Variants in CAMKK2 observed in about 807,000 individuals in gnomAD.
CAMKK2 encodes the protein calcium/calmodulin-dependent protein kinase kinase 2.
A neutral mutation model predicts 67.2 loss-of-function variants in CAMKK2; 30 were observed. That is an observed-to-expected ratio of 0.45 (90% CI 0.33 to 0.61). CAMKK2 has a LOEUF of 0.61. CAMKK2 is among the 20% of genes least tolerant of loss of function. The pLI, the probability that CAMKK2 is intolerant of heterozygous loss-of-function variation, is 0.02. For synonymous variants in CAMKK2, 322 were observed against 326.2 expected, an observed-to-expected ratio of 0.99 and a Z score of 0.14; for missense variants, 643 against 802.0, an observed-to-expected ratio of 0.80 and a Z score of 2.39.
At chr12:121,244,522 C>T (rs1487796265) in intron 16 of CAMKK2, 51 bp downstream of exon 16, 37 of 1,530,330 alleles carry the variant, frequency 2.4e-5, no homozygotes, top group Non-Finnish European at 3.2e-5. Context: ...GCTGCCCACC[C>T]GCCCCCCTCA....
intron 14 of CAMKK2, among the ~76,000 whole-genome samples, chr12:121,247,492 C>T (rs1214855031): frequency 6.6e-6 from 1 of 152,226 alleles, no homozygotes; most frequent in East Asian, 1.9e-4. Context: ...GACTGAGAAC[C>T]TCCTGAGCCT....
chr12:121,294,962 G>A (rs1296291296), intron 1 of CAMKK2, among the ~76,000 whole-genome samples: 1 of 152,164 alleles, frequency 6.6e-6, no homozygotes, highest in Non-Finnish European at 1.5e-5. Flanking sequence ...TTGAGGTAAG[G>A]AGTTCAAGAC....
chr12:121,289,710 T>C (rs936457663), intron 1 of CAMKK2, among the ~76,000 whole-genome samples: 5 of 151,956 alleles, frequency 3.3e-5, no homozygotes, highest in Non-Finnish European at 5.9e-5. Context: ...CTGGCCTACA[T>C]GGTGAAACCT....
rs141069151 is a variant in CAMKK2 at position 121,254,578 on chromosome 12, T to C, written c.907+972A>G. On this transcript the variant is annotated intron_variant, in intron 9 of 16. Coordinates refer to ENST00000404169, the MANE Select transcript of CAMKK2 (RefSeq NM_001270485.2). ...AGATATGTTATCCCCATTTTACAGA[T>C]GAGGAAGCTAAGGTTCCAGGAGGTG... 6.5e-3 allele frequency among the ~76,000 whole-genome samples: 986 copies of C among 152,106 alleles called. 9 individuals carry two copies. The highest frequency in any genetic ancestry group is 0.023 in the African/African-American group (934 of 41,474).
At chr12:121,252,976 C>T (rs1207886993) in intron 10 of CAMKK2, among the ~76,000 whole-genome samples, 1 of 152,186 alleles carries the variant, frequency 6.6e-6, no homozygotes, top group Non-Finnish European at 1.5e-5. Context: ...TTTTCACAGG[C>T]ACTATTCAGA....
chr12:121,277,535 A>G (rs373434864), intron 1 of CAMKK2, among the ~76,000 whole-genome samples: 2 of 152,316 alleles, frequency 1.3e-5, no homozygotes. Context: ...ACAACAGAAT[A>G]CTATACAGCC....
Position 121,272,871 on chromosome 12 carries a change from T to TCAA in CAMKK2, c.471+1182_471+1184dup, listed in dbSNP as rs762949319. On this transcript the variant is annotated intron_variant, in intron 2 of 16. Transcript: ENST00000404169. ...CTGGGCAACACAGCAACCCTCTGTC[T>TCAA]CAACAACAACAACAAAAAAAAGCCC... is the stretch of plus-strand genomic sequence containing the variant. Among the ~76,000 whole-genome samples, 6 of 152,108 alleles carry TCAA rather than the reference T, an allele frequency of 3.9e-5. No homozygotes were observed. The South Asian group carries it at 6.2e-4, about 16-fold the overall frequency.
rs1891245824 is a variant in CAMKK2 at position 121,253,590 on chromosome 12, C to T, written c.908-118G>A. 3.6e-6 allele frequency: 3 copies of T among 839,430 alleles called. No individual in the cohort carries two copies. Among genetic ancestry groups the T allele is most frequent in the Non-Finnish European group, 5.9e-6 (3 of 505,948 alleles). The allele number at this position is 839,430 out of a possible 1,614,324, so 52.0% of individuals were successfully genotyped here. On this transcript the variant is annotated intron_variant, in intron 9 of 16. Coordinates refer to ENST00000404169, the MANE Select transcript of CAMKK2 (RefSeq NM_001270485.2). The surrounding 1 kb of genome is among the most constrained non-coding windows in gnomAD (Gnocchi z 5.0). ...CACCCCTCTGATGCCTTGTCTCCCA[C>T]AGCCCCAGGCCTTTTCCAACCTTCC...
At chr12:121,254,076 T>C (rs746567166) in intron 9 of CAMKK2, among the ~76,000 whole-genome samples, 7 of 152,134 alleles carry the variant, frequency 4.6e-5, no homozygotes, top group Non-Finnish European at 2.9e-5. Flanking sequence ...GAGCACCAAG[T>C]GAGGGGCCCG....
Position 121,255,231 on chromosome 12 carries a change from T to C in CAMKK2, c.907+319A>G, listed in dbSNP as rs557293304. On this transcript the variant is annotated intron_variant, in intron 9 of 16. Transcript: ENST00000404169. The stretch of plus-strand genomic sequence containing the variant: ...TTATATATATAATTTTATATATATA[T>C]AATTTTATATATATATAATTATATA... Among the ~76,000 whole-genome samples, 85 of 49,920 alleles carry C rather than the reference T, an allele frequency of 1.7e-3. 6 individuals carry two copies. Among genetic ancestry groups the C allele is most frequent in the African/African-American group, 6.2e-3 (85 of 13,670 alleles). The allele number at this position is 49,920 out of a possible 152,430, so 32.7% of individuals were successfully genotyped here. A position where few individuals can be genotyped will look rare whatever the true frequency, so the allele number is the denominator to read the frequency against.
chr12:121,258,561 G>A (rs1892817948), intron 7 of CAMKK2, among the ~76,000 whole-genome samples: 1 of 152,116 alleles, frequency 6.6e-6, no homozygotes, highest in Admixed American at 6.6e-5. Flanking sequence ...CTACTACCCG[G>A]CCTCATGCAC....
rs755449965 is a variant in CAMKK2, at chr12:121,268,099, T to TATATATATATATATATATATATATAC, written c.625+538_625+539insGTATATATATATATATATATATATAT. Among the ~76,000 whole-genome samples the TATATATATATATATATATATATATAC allele has an allele frequency of 8.2e-4, 118 of 143,476 alleles. 1 individual carries two copies. Among genetic ancestry groups the TATATATATATATATATATATATATAC allele is most frequent in the South Asian group, 1.6e-3 (7 of 4,494 alleles). 94.1% of individuals were successfully genotyped at this position (143,476 alleles called of 152,430 possible). ...CATTGGATGCATATATATATATATA[T>TATATATATATATATATATATATATAC]ACTCTATTCATATTACTTTTAATGG... is the stretch of plus-strand genomic sequence containing the variant. On this transcript the variant is annotated intron_variant, in intron 5 of 16. Transcript: ENST00000404169.
intron 1 of CAMKK2, among the ~76,000 whole-genome samples, chr12:121,282,010 G>T (rs1316897022): frequency 6.6e-6 from 1 of 152,144 alleles, no homozygotes; most frequent in African/African-American, 2.4e-5. Flanking sequence ...ACCAGGATAT[G>T]ATCAAAGAGA....
intron 1 of CAMKK2, among the ~76,000 whole-genome samples, chr12:121,278,789 C>A (rs1380340177): frequency 1.3e-5 from 2 of 152,218 alleles, no homozygotes; most frequent in South Asian, 2.1e-4. Context: ...TCTTTATCAG[C>A]AGCGTGAAAA....
At position 121,244,608 on chromosome 12, in the gene CAMKK2, G is replaced by T; in HGVS notation, c.1561C>A (p.Pro521Thr). The change falls in exon 16 of 17, where the codon CCA (proline) becomes ACA (threonine). Residue 521 changes from proline to threonine, a missense_variant. Around this residue, in one of 3 missense-constraint regions of CAMKK2, gnomAD observed 140 missense variants for 124.2 expected, o/e 1.13. Coordinates refer to ENST00000404169, the MANE Select transcript of CAMKK2 (RefSeq NM_001270485.2). ...GACAGGGACTCACATTCCCTGGTTG[G>T]TTTTTTGCTGGAATCACCAGAGGGA... ...SAPGNLLTKK[P>T]TRECESLSEL... 1.3e-6 allele frequency: 2 copies of T among 1,564,488 alleles called. No homozygotes were observed. The highest frequency in any genetic ancestry group is 1.7e-6 in the Non-Finnish European group (2 of 1,154,040).
intron 11 of CAMKK2, 61 bp downstream of exon 11, chr12:121,252,600 G>T: frequency 6.7e-7 from 1 of 1,488,812 alleles, no homozygotes; most frequent in Non-Finnish European, 9.4e-7. Context: ...CCCCGCAAGG[G>T]TGACTATTAA....
chr12:121,284,853 G>A (rs1898429811), intron 1 of CAMKK2, among the ~76,000 whole-genome samples: 1 of 152,200 alleles, frequency 6.6e-6, no homozygotes, highest in Non-Finnish European at 1.5e-5. Flanking sequence ...TTTGGGCACA[G>A]GGACATGGAC....
intron 1 of CAMKK2, among the ~76,000 whole-genome samples, chr12:121,277,774 C>T (rs1222251099): frequency 6.6e-6 from 1 of 152,124 alleles, no homozygotes; most frequent in East Asian, 1.9e-4. Flanking sequence ...CCAGATAAGC[C>T]CGGCCAATAT....
chr12:121,253,155 A>T lies in CAMKK2; in HGVS notation c.1107+118T>A, dbSNP rs984744114. ...TAGCCAAGCCTGAAGCCTACCCCTC[A>T]GTATCTTGATCCAGGGGATTCACTG... On this transcript the variant is annotated intron_variant, in intron 10 of 16. Transcript: ENST00000404169. The surrounding 1 kb of genome is among the most constrained non-coding windows in gnomAD (Gnocchi z 5.0). 1 of 830,122 alleles carries T rather than the reference A, an allele frequency of 1.2e-6. No homozygotes were observed. 51.4% of individuals were successfully genotyped at this position (830,122 alleles called of 1,614,324 possible). A position where few individuals can be genotyped will look rare whatever the true frequency, so the allele number is the denominator to read the frequency against.
Sources: gnomAD v4.1 joint callset for allele counts (sites outside exome capture counted in the v4.1 genomes callset) on GRCh38, gnomAD v4.1.1 for gene constraint, gnomAD v4.1.1 regional missense constraint, Gnocchi (gnomAD v3.1) non-coding constraint, MANE v1.5 for transcripts, NCBI Gene and HGNC (gene_info 2026-07-23, HGNC 2026-07-21) for gene names.